TDRD12: variants seen among roughly 807,000 people sequenced by gnomAD.
TDRD12 encodes the protein tudor domain containing 12.
TDRD12 carries 158 observed loss-of-function variants against 133.5 expected under a neutral mutation model. The observed-to-expected ratio is 1.18, with a 90% confidence interval of 1.04 to 1.35. TDRD12 has a LOEUF of 1.35. Among genes scored for constraint, TDRD12 ranks in the 40% most tolerant of loss-of-function variants. The probability of loss-of-function intolerance (pLI) is 0.00; values close to 1 mark genes in which losing one functional copy is unlikely to be tolerated. For missense variants in TDRD12, 1,443 were observed against 1,321.3 expected (o/e 1.09, Z -1.43); for synonymous variants, 460 against 477.9 (o/e 0.96, Z 0.49).
At chr19:32,807,683 G>T in intron 22 of TDRD12, 35 bp downstream of exon 22, 1 of 1,375,358 alleles carries the variant, frequency 7.3e-7, no homozygotes, top group Non-Finnish European at 9.9e-7. Flanking sequence ...GTCCTCTGAC[G>T]AATGGTCATG....
rs373349291 is a variant in TDRD12, at chr19:32,769,766, A to C, written c.866-2987A>C. The stretch of plus-strand genomic sequence containing the variant: ...ATTCTCCTGCCTCAGCCTCCTGAGC[A>C]GCTGGGATTACAGGCATGCGCCACC... On this transcript the variant is annotated intron_variant, in intron 8 of 27. Coordinates refer to ENST00000444215, the Ensembl canonical transcript of TDRD12. Among the ~76,000 whole-genome samples, 9 of 152,106 alleles carry C rather than the reference A, an allele frequency of 5.9e-5. No homozygotes were observed. The East Asian group carries it at 1.5e-3, about 26-fold the overall frequency.
chr19:32,723,926 C>T (rs1327652208), intron 1 of TDRD12, among the ~76,000 whole-genome samples: 1 of 152,166 alleles, frequency 6.6e-6, no homozygotes, highest in Non-Finnish European at 1.5e-5. Context: ...GCTGTAATCA[C>T]AACTTACTGC....
intron 10 of TDRD12, among the ~76,000 whole-genome samples, chr19:32,775,223 A>G (rs1021543673): frequency 1.3e-5 from 2 of 152,066 alleles, no homozygotes; most frequent in African/African-American, 4.8e-5. Flanking sequence ...CAGCCTTTCA[A>G]TCTTGCTATT....
At chr19:32,722,738 GGA>G (rs1394023064) in intron 1 of TDRD12, among the ~76,000 whole-genome samples, 3 of 150,090 alleles carry the variant, frequency 2.0e-5, no homozygotes, top group African/African-American at 7.4e-5. Flanking sequence ...GGAGTGTGGT[GGA>G]GCAATCTCGG....
chr19:32,807,315 T>C (rs1341311508), intron 21 of TDRD12, among the ~76,000 whole-genome samples: 2 of 87,752 alleles, frequency 2.3e-5, no homozygotes, highest in East Asian at 7.3e-4. Context: ...GCTAGAGAAA[T>C]AATGAAATAA....
At chr19:32,816,907 A>G (rs1967199099) in intron 26 of TDRD12, among the ~76,000 whole-genome samples, 1 of 152,072 alleles carries the variant, frequency 6.6e-6, no homozygotes, top group African/African-American at 2.4e-5. Context: ...AGGTGCTGGA[A>G]CTCCTGAGTC....
rs903625463 is a variant in TDRD12, at chr19:32,811,270, A to T, written c.2898A>T (p.Val966=). The T allele has an allele frequency of 3.3e-6, 5 of 1,536,008 alleles. No individual in the cohort carries two copies. The African/African-American group carries it at 6.8e-5, about 21-fold the overall frequency. ...CCTGGGCCCTGGATGACATCCTTGT[A>T]GAGTTCATCGATGAAGGCAGGACGG... The change falls in exon 24 of 28, where the codon GTA becomes GTT. Residue 966 remains valine, a synonymous_variant. Transcript: ENST00000444215.
intron 21 of TDRD12, 77 bp from the exon 22 acceptor site, chr19:32,807,472 A>C (rs1971587063): frequency 1.9e-6 from 2 of 1,040,448 alleles, no homozygotes; most frequent in African/African-American, 1.6e-5. Context: ...TTGCAGATTA[A>C]TTTTCTGAAG....
At chr19:32,727,243 T>C (rs1483174309) in intron 1 of TDRD12, among the ~76,000 whole-genome samples, 1 of 152,234 alleles carries the variant, frequency 6.6e-6, no homozygotes. Flanking sequence ...CCTTTTCATG[T>C]ACTTATTGGC....
intron 1 of TDRD12, among the ~76,000 whole-genome samples, chr19:32,727,393 A>G (rs752815559): frequency 5.3e-5 from 8 of 152,160 alleles, no homozygotes; most frequent in Non-Finnish European, 1.2e-4. Context: ...AGCCTTGCAA[A>G]TATTTTCCCC....
At chr19:32,731,087 A>C (rs887159827) in intron 1 of TDRD12, among the ~76,000 whole-genome samples, 8 of 152,186 alleles carry the variant, frequency 5.3e-5, no homozygotes, top group African/African-American at 1.9e-4. Context: ...TTCTAATAAC[A>C]ATAGTACATA....
chr19:32,729,482 G>T (rs948388462), intron 1 of TDRD12, among the ~76,000 whole-genome samples: 1 of 151,656 alleles, frequency 6.6e-6, no homozygotes. Context: ...CTCCCAAAGT[G>T]CTGGGATTAC....
chr19:32,719,791 G>T, exon 1 of TDRD12: 1 of 545,178 alleles, frequency 1.8e-6, no homozygotes, highest in Non-Finnish European at 3.3e-6. Flanking sequence ...CGGGCATCCG[G>T]TGGGTGCGGG....
chr19:32,821,407 T>TGC (rs1555778771), downstream of TDRD12: 16 of 144,448 alleles, frequency 1.1e-4, no homozygotes, highest in Non-Finnish European at 1.6e-4. Flanking sequence ...TGTGTGTGTG[T>TGC]GTGCGTGTGA....
At chr19:32,750,819 C>G (rs985575890) in intron 6 of TDRD12, among the ~76,000 whole-genome samples, 1 of 152,278 alleles carries the variant, frequency 6.6e-6, no homozygotes, top group African/African-American at 2.4e-5. Context: ...CCTGATGTTC[C>G]TCATCATTGT....
exon 1 of TDRD12, chr19:32,719,782 G>C (rs914174961): frequency 2.3e-5 from 12 of 532,454 alleles, no homozygotes; most frequent in Non-Finnish European, 3.1e-5. Context: ...CAGCGTGCGC[G>C]GGCATCCGGT....
At chr19:32,824,868 T>C (rs1047008317), downstream of TDRD12, among the ~76,000 whole-genome samples, 12 of 152,200 alleles carry the variant, frequency 7.9e-5, no homozygotes, top group Non-Finnish European at 4.4e-5. Flanking sequence ...TCCTCAACTT[T>C]GGATAAATCA....
At position 32,800,077 on chromosome 19, in the gene TDRD12, A is replaced by C. The variant is rs1971342188; in HGVS notation, c.1759-90A>C. ...AAGACTTTCTCCACTCTGAGAACAGAAAATATACAAACCCTTACATTTTAT... is the reference window on the plus strand; with the variant it reads ...AAGACTTTCTCCACTCTGAGAACAGCAAATATACAAACCCTTACATTTTAT... On this transcript the variant is annotated intron_variant, in intron 16 of 27. Coordinates refer to ENST00000444215, the Ensembl canonical transcript of TDRD12. 4 of 821,742 alleles carry C rather than the reference A, an allele frequency of 4.9e-6. No individual in the cohort carries two copies. In the Admixed American group the frequency reaches 1.3e-4, roughly 26 times the overall value. 50.9% of individuals were successfully genotyped at this position (821,742 alleles called of 1,614,324 possible). A position where few individuals can be genotyped will look rare whatever the true frequency, so the allele number is the denominator to read the frequency against.
At chr19:32,781,068 A>C (rs1970751085) in intron 11 of TDRD12, among the ~76,000 whole-genome samples, 1 of 149,446 alleles carries the variant, frequency 6.7e-6, no homozygotes, top group Admixed American at 6.7e-5. Context: ...TCAGCCTCCC[A>C]AGTAGCTGGG....
Sources: allele counts gnomAD v4.1 joint callset (sites outside exome capture counted in the v4.1 genomes callset), GRCh38; gene constraint gnomAD v4.1.1; transcripts MANE v1.5; gene names NCBI Gene and HGNC (gene_info 2026-07-23, HGNC 2026-07-21).